LZTFL1: variants seen among roughly 807,000 people sequenced by gnomAD.
LZTFL1 encodes the protein leucine zipper transcription factor like 1.
A neutral mutation model predicts 45.9 loss-of-function variants in LZTFL1; 25 were observed. That is an observed-to-expected ratio of 0.54 (90% CI 0.40 to 0.76). The LOEUF is 0.76. LZTFL1 is among the 30% of genes least tolerant of loss of function. The probability of loss-of-function intolerance (pLI) is 0.00; values close to 1 mark genes in which losing one functional copy is unlikely to be tolerated. For missense variants in LZTFL1, 277 were observed against 331.1 expected, an observed-to-expected ratio of 0.84 and a Z score of 1.27; for synonymous variants, 93 against 117.4, an observed-to-expected ratio of 0.79 and a Z score of 1.35.
chr3:45,865,826 C>A (rs993248748), intron 2 of LZTFL1, among the ~76,000 whole-genome samples: 2 of 152,286 alleles, frequency 1.3e-5, no homozygotes, highest in Middle Eastern at 3.4e-3. Context: ...AATATATGTT[C>A]CTGCAAATAC....
Position 45,882,748 on chromosome 3 carries a change from G to A in LZTFL1, c.-214-23732C>T, listed in dbSNP as rs550854960. On this transcript the variant is annotated intron_variant, in intron 2 of 4. Transcript: ENST00000472635. Reference sequence around the variant, plus strand: ...TCTAGTCCACAGTTATTCCTGAAATGCTCTTCAGTTGCCAGGTACAGCACT... The same window carrying A: ...TCTAGTCCACAGTTATTCCTGAAATACTCTTCAGTTGCCAGGTACAGCACT... Among the ~76,000 whole-genome samples the A allele has an allele frequency of 7.9e-5, 12 of 151,878 alleles. No individual in the cohort carries two copies. In the South Asian group the frequency reaches 2.3e-3, roughly 29 times the overall value.
Position 45,835,708 on chromosome 3 carries a change from C to T in LZTFL1, c.205G>A (p.Val69Met), listed in dbSNP as rs751741221. 2 of 1,614,010 alleles carry T rather than the reference C, an allele frequency of 1.2e-6. No individual in the cohort carries two copies. The highest frequency in any genetic ancestry group is 2.2e-5 in the East Asian group (1 of 44,892). The stretch of plus-strand genomic sequence containing the variant: ...GCAGTGTTGATGAGCTCAGATTCCA[C>T]CTCACTATGAACCACAGCTTGTAAT... ...NGLQAVVHSE[V>M]ESELINTAYT... is the part of the protein sequence containing the mutation. Residue 69 changes from valine to methionine, a missense_variant, in exon 3 of 10, where the codon GTG becomes ATG. By Grantham distance (21) the Val-to-Met change is conservative. Coordinates refer to ENST00000296135, the MANE Select transcript of LZTFL1 (RefSeq NM_020347.4).
At chr3:45,860,660 G>A (rs1701470918) in intron 2 of LZTFL1, among the ~76,000 whole-genome samples, 1 of 152,152 alleles carries the variant, frequency 6.6e-6, no homozygotes. Context: ...AGGCCACCAT[G>A]TGACAGAGCA....
At position 45,901,946 on chromosome 3, in the gene LZTFL1, CA is replaced by C. The variant is rs1450159244; in HGVS notation, c.-215+11173del. On this transcript the variant is annotated intron_variant, in intron 2 of 4. Transcript: ENST00000472635. This position sits in a 1 kb window ranked among gnomAD's most constrained non-coding sequence, Gnocchi z 4.3. Reference sequence around the variant, plus strand: ...GTTCTTTTGGAAGAAATGAGAAATACAGAAACAGTTTCCCCACTGATGGGAC... The same window carrying C: ...GTTCTTTTGGAAGAAATGAGAAATACGAAACAGTTTCCCCACTGATGGGAC... 2 of 1,478,180 alleles carry C rather than the reference CA, an allele frequency of 1.4e-6. No homozygotes were observed. The highest frequency in any genetic ancestry group is 1.8e-6 in the Non-Finnish European group (2 of 1,096,578). 91.6% of individuals were successfully genotyped at this position (1,478,180 alleles called of 1,614,324 possible). A position where few individuals can be genotyped will look rare whatever the true frequency, so the allele number is the denominator to read the frequency against.
chr3:45,890,269 A>ATATATATAT (rs1466215987), intron 2 of LZTFL1, among the ~76,000 whole-genome samples: 3 of 10,420 alleles, frequency 2.9e-4, no homozygotes, highest in Admixed American at 2.3e-3. Flanking sequence ...ATATATATAT[A>ATATATATAT]ACATATATAT....
At chr3:45,895,215 C>G in intron 2 of LZTFL1, 1 of 530,936 alleles carries the variant, frequency 1.9e-6, no homozygotes. Context: ...GGATTTTTAA[C>G]CATCTTTAAC....
chr3:45,896,357 T>C (rs1702355072), intron 2 of LZTFL1, among the ~76,000 whole-genome samples: 1 of 151,926 alleles, frequency 6.6e-6, no homozygotes, highest in Non-Finnish European at 1.5e-5. Flanking sequence ...GTCAGAGGAG[T>C]CTGGCGCCAT....
chr3:45,857,088 C>T (rs1341307157), intron 3 of LZTFL1, among the ~76,000 whole-genome samples: 3 of 152,182 alleles, frequency 2.0e-5, no homozygotes, highest in African/African-American at 7.2e-5. Context: ...CATTGTAGCA[C>T]TATTCACAAT....
chr3:45,895,704 A>G (rs1702332139), intron 2 of LZTFL1, among the ~76,000 whole-genome samples: 1 of 150,924 alleles, frequency 6.6e-6, no homozygotes, highest in Non-Finnish European at 1.5e-5. Context: ...ACAGAGCGAG[A>G]CTCTGTCTTA....
At chr3:45,897,250 C>T (rs2125754553) in intron 2 of LZTFL1, among the ~76,000 whole-genome samples, 1 of 152,260 alleles carries the variant, frequency 6.6e-6, no homozygotes, top group African/African-American at 2.4e-5. Context: ...GGGTGTTGTT[C>T]CAGGATTCCT....
intron 2 of LZTFL1, among the ~76,000 whole-genome samples, chr3:45,903,923 G>T (rs1702629704): frequency 6.6e-6 from 1 of 152,226 alleles, no homozygotes; most frequent in Admixed American, 6.5e-5. Flanking sequence ...GAATAAAAAA[G>T]ATGCATGAGC....
chr3:45,835,715 A>G lies in LZTFL1; in HGVS notation c.198T>C (p.His66=), dbSNP rs1447988219. 3 of 1,614,068 alleles carry G rather than the reference A, an allele frequency of 1.9e-6. No individual in the cohort carries two copies. The African/African-American group carries it at 4.0e-5, about 22-fold the overall frequency. ...TGATGAGCTCAGATTCCACCTCACTATGAACCACAGCTTGTAATCCATTGA... is the reference window on the plus strand; with the variant it reads ...TGATGAGCTCAGATTCCACCTCACTGTGAACCACAGCTTGTAATCCATTGA... ...EVLNGLQAVV[H]SEVESELINT... Residue 66 remains histidine, a synonymous_variant, in exon 3 of 10, where the codon CAT becomes CAC. Transcript: ENST00000296135.
intron 2 of LZTFL1, among the ~76,000 whole-genome samples, chr3:45,888,708 C>A (rs1201906541): frequency 6.6e-6 from 1 of 152,134 alleles, no homozygotes; most frequent in Non-Finnish European, 1.5e-5. Context: ...CTATATTTTT[C>A]CCGCTTTCTC....
chr3:45,826,116 T>C lies in LZTFL1; in HGVS notation c.*198A>G. On this transcript the variant is annotated 3_prime_UTR_variant, in exon 10 of 10. Coordinates refer to ENST00000296135, the MANE Select transcript of LZTFL1 (RefSeq NM_020347.4). ...CTGGAGCACTCAGTAGAGAGGTGTG[T>C]GGGATGACCAGACAGAATCACTAGG... is the stretch of plus-strand genomic sequence containing the variant. 1 of 584,216 alleles carries C rather than the reference T, an allele frequency of 1.7e-6. No individual in the cohort carries two copies. Among genetic ancestry groups the C allele is most frequent in the Non-Finnish European group, 3.0e-6 (1 of 328,776 alleles). The allele number at this position is 584,216 out of a possible 1,614,324, so 36.2% of individuals were successfully genotyped here. A position where few individuals can be genotyped will look rare whatever the true frequency, so the allele number is the denominator to read the frequency against.
At chr3:45,860,714 A>G (rs879841206) in intron 2 of LZTFL1, among the ~76,000 whole-genome samples, 1 of 152,232 alleles carries the variant, frequency 6.6e-6, no homozygotes, top group Non-Finnish European at 1.5e-5. Context: ...TGATGAAGAC[A>G]GGACAGGCTC....
rs1702534604 is a variant in LZTFL1, at chr3:45,900,988, G to A, written c.-215+12132C>T. ...TTCATCGTGGGTGCCTTGGGCAACA[G>A]TCTTGTTATCCTTGTCTACTGGTAC... On this transcript the variant is annotated intron_variant, in intron 2 of 4. Coordinates refer to the LZTFL1 transcript ENST00000472635. This position sits in a 1 kb window ranked among gnomAD's most constrained non-coding sequence, Gnocchi z 4.7. The A allele has an allele frequency of 6.2e-7, 1 of 1,614,208 alleles. No individual in the cohort carries two copies. Among genetic ancestry groups the A allele is most frequent in the Non-Finnish European group, 8.5e-7 (1 of 1,180,032 alleles).
chr3:45,864,604 A>C (rs768408456), intron 2 of LZTFL1, among the ~76,000 whole-genome samples: 1 of 152,232 alleles, frequency 6.6e-6, no homozygotes, highest in African/African-American at 2.4e-5. Context: ...TCCTAATTTT[A>C]TGTATTAATA....
chr3:45,849,509 T>C (rs1701274494), intron 4 of LZTFL1, among the ~76,000 whole-genome samples: 1 of 152,180 alleles, frequency 6.6e-6, no homozygotes, highest in South Asian at 2.1e-4. Flanking sequence ...CCCAGGGTGA[T>C]ATAAAGAAAA....
intron 2 of LZTFL1, among the ~76,000 whole-genome samples, chr3:45,890,241 A>C: frequency 1.0e-5 from 1 of 99,734 alleles, no homozygotes; most frequent in African/African-American, 4.9e-5. Flanking sequence ...GAGGTGACAT[A>C]AGCCCTGGGT....
Sources: allele counts gnomAD v4.1 joint callset (sites outside exome capture counted in the v4.1 genomes callset), GRCh38; gene constraint gnomAD v4.1.1; non-coding constraint Gnocchi (gnomAD v3.1); transcripts MANE v1.5; gene names NCBI Gene and HGNC (gene_info 2026-07-23, HGNC 2026-07-21).